Variants in ASTN2 observed in about 807,000 individuals in gnomAD.
ASTN2 encodes the protein astrotactin-2.
A neutral mutation model predicts 139.8 loss-of-function variants in ASTN2; 54 were observed. The observed-to-expected ratio is 0.39, with a 90% CI of 0.31 to 0.48. The LOEUF (loss-of-function observed/expected upper bound fraction) is 0.48, where lower values mean the gene tolerates loss of function less well. ASTN2 is among the 20% of genes least tolerant of loss of function. The pLI is 0.95. For missense variants in ASTN2, 1,565 were observed against 1,725.1 expected, an observed-to-expected ratio of 0.91 and a Z score of 1.64; for synonymous variants, 756 against 719.5, an observed-to-expected ratio of 1.05 and a Z score of -0.81.
chr9:116,755,532 G>A (rs149324737), intron 13 of ASTN2, among the ~76,000 whole-genome samples: 6 of 152,282 alleles, frequency 3.9e-5, no homozygotes, highest in African/African-American at 7.2e-5. Flanking sequence ...GTGAGGCCTC[G>A]GAAGAAACCA....
intron 3 of ASTN2, among the ~76,000 whole-genome samples, chr9:117,154,537 G>A (rs1264709079): frequency 6.6e-6 from 1 of 152,022 alleles, no homozygotes; most frequent in East Asian, 1.9e-4. Context: ...AAACTACTGT[G>A]ACATGTATCT....
At chr9:116,727,798 C>G (rs1828671731) in intron 15 of ASTN2, among the ~76,000 whole-genome samples, 1 of 152,140 alleles carries the variant, frequency 6.6e-6, no homozygotes, top group Non-Finnish European at 1.5e-5. Flanking sequence ...CTCCCTAACC[C>G]TCAGTATACT....
intron 12 of ASTN2, among the ~76,000 whole-genome samples, chr9:116,814,365 C>T (rs905194977): frequency 1.2e-4 from 19 of 152,122 alleles, no homozygotes; most frequent in African/African-American, 4.3e-4. Context: ...GTTCTCTGAG[C>T]GGTCTTGGGT....
At chr9:117,083,763 T>C (rs1462887111) in intron 5 of ASTN2, among the ~76,000 whole-genome samples, 14 of 152,268 alleles carry the variant, frequency 9.2e-5, no homozygotes, top group Admixed American at 7.8e-4. Flanking sequence ...TAAAATGACA[T>C]GTTTGCTTTA....
intron 1 of ASTN2, among the ~76,000 whole-genome samples, chr9:117,339,436 GCA>G (rs377059451): frequency 6.6e-6 from 1 of 151,902 alleles, no homozygotes; most frequent in East Asian, 1.9e-4. Context: ...ACATGCACAT[GCA>G]CACACACACA....
At chr9:117,354,781 CCCGTACTAGAA>C (rs1470189522) in intron 1 of ASTN2, among the ~76,000 whole-genome samples, 14 of 152,228 alleles carry the variant, frequency 9.2e-5, no homozygotes, top group Admixed American at 7.2e-4. Context: ...ACATCTCTTC[CCCGTACTAGAA>C]CCTACTCCAC....
intron 10 of ASTN2, among the ~76,000 whole-genome samples, chr9:116,875,716 T>G (rs1474455906): frequency 6.6e-6 from 1 of 152,220 alleles, no homozygotes; most frequent in Non-Finnish European, 1.5e-5. Flanking sequence ...ATGCAGCTGT[T>G]GAAGCCAATA....
intron 11 of ASTN2, among the ~76,000 whole-genome samples, chr9:116,827,385 A>G (rs920965747): frequency 3.3e-5 from 5 of 151,962 alleles, no homozygotes; most frequent in Non-Finnish European, 5.9e-5. Flanking sequence ...GAGAAAAGAA[A>G]TAACAAAGAT....
At chr9:116,878,041 TAA>T (rs1430953435) in intron 10 of ASTN2, among the ~76,000 whole-genome samples, 1 of 152,178 alleles carries the variant, frequency 6.6e-6, no homozygotes, top group Non-Finnish European at 1.5e-5. Context: ...TGGCAGTTTT[TAA>T]AAAGTCAAGA....
At chr9:117,257,321 A>G (rs1833713724) in intron 2 of ASTN2, among the ~76,000 whole-genome samples, 1 of 152,210 alleles carries the variant, frequency 6.6e-6, no homozygotes, top group Non-Finnish European at 1.5e-5. Flanking sequence ...GAACTCCAAC[A>G]TGGAAGGAAA....
At chr9:117,351,838 G>T (rs893095854) in intron 1 of ASTN2, among the ~76,000 whole-genome samples, 3 of 152,130 alleles carry the variant, frequency 2.0e-5, no homozygotes, top group East Asian at 3.9e-4. Context: ...GAGCCCCAAA[G>T]AGAAGGCCAA....
At position 116,769,911 on chromosome 9, in the gene ASTN2, G is replaced by C. The variant is rs866874957; in HGVS notation, c.2396+35721C>G. On this transcript the variant is annotated intron_variant, in intron 13 of 22. Coordinates refer to ENST00000313400, the MANE Select transcript of ASTN2 (RefSeq NM_001365068.1). ...TTAAATATATATATATGGGCATGGT[G>C]GTGGGGTGCCTTTAATTTCAGCTAC... Among the ~76,000 whole-genome samples the C allele has an allele frequency of 7.6e-3, 293 of 38,488 alleles. 3 individuals are homozygous for C. The highest frequency in any genetic ancestry group is 0.042 in the Middle Eastern group (2 of 48). 25.2% of individuals were successfully genotyped at this position (38,488 alleles called of 152,430 possible).
At chr9:116,692,654 T>C (rs1009637892) in intron 16 of ASTN2, among the ~76,000 whole-genome samples, 6 of 152,204 alleles carry the variant, frequency 3.9e-5, no homozygotes, top group Admixed American at 2.6e-4. Context: ...CCTTAATCTA[T>C]ATAATACTGT....
intron 4 of ASTN2, among the ~76,000 whole-genome samples, chr9:117,118,364 T>C (rs764648389): frequency 3.9e-5 from 6 of 152,056 alleles, no homozygotes; most frequent in Non-Finnish European, 7.4e-5. Context: ...ATCCCTTTTT[T>C]TCCTCTCCTA....
At chr9:117,142,315 G>A (rs148842181) in intron 3 of ASTN2, among the ~76,000 whole-genome samples, 50 of 152,312 alleles carry the variant, frequency 3.3e-4, no homozygotes, top group African/African-American at 1.1e-3. Flanking sequence ...AAGGAGGAAA[G>A]GAGGCCTGGA....
chr9:117,193,270 T>C (rs1831396487), intron 3 of ASTN2, among the ~76,000 whole-genome samples: 1 of 152,096 alleles, frequency 6.6e-6, no homozygotes, highest in South Asian at 2.1e-4. Flanking sequence ...TCACTGGGAA[T>C]AGGGAGAGGA....
chr9:117,400,329 C>G (rs547984063), intron 1 of ASTN2, among the ~76,000 whole-genome samples: 17 of 152,340 alleles, frequency 1.1e-4, no homozygotes, highest in Middle Eastern at 3.4e-3. Flanking sequence ...AGCCATCAGT[C>G]TTTCCACCTG....
intron 1 of ASTN2, among the ~76,000 whole-genome samples, chr9:117,394,911 G>T (rs1456998065): frequency 6.6e-6 from 1 of 152,132 alleles, no homozygotes; most frequent in Non-Finnish European, 1.5e-5. Context: ...GATTCTTCAA[G>T]TATCTACTTG....
intron 2 of ASTN2, among the ~76,000 whole-genome samples, chr9:117,227,105 G>A (rs1358280300): frequency 1.3e-5 from 2 of 152,116 alleles, no homozygotes; most frequent in African/African-American, 4.8e-5. Context: ...AATCATGGGT[G>A]GGGGTTAGGG....
Sources: allele counts gnomAD v4.1 joint callset (sites outside exome capture counted in the v4.1 genomes callset), GRCh38; gene constraint gnomAD v4.1.1; transcripts MANE v1.5; gene names NCBI Gene and HGNC (gene_info 2026-07-23, HGNC 2026-07-21).